Variants in HEATR5A observed in about 807,000 individuals in gnomAD.
The protein encoded by HEATR5A is HEAT repeat containing 5A.
A neutral mutation model predicts 218.8 loss-of-function variants in HEATR5A; 178 were observed. The ratio of observed to expected loss-of-function variants is 0.81; its 90% CI spans 0.72 to 0.92. The LOEUF (loss-of-function observed/expected upper bound fraction) is 0.92, where lower values mean the gene tolerates loss of function less well. HEATR5A is among the 40% of genes least tolerant of loss of function. The pLI, the probability that HEATR5A is intolerant of heterozygous loss-of-function variation, is 0.00. For missense variants in HEATR5A, 2,420 were observed against 2,418.9 expected, an observed-to-expected ratio of 1.00 and a Z score of -0.01; for synonymous variants, 864 against 871.6, an observed-to-expected ratio of 0.99 and a Z score of 0.15.
intron 12 of HEATR5A, among the ~76,000 whole-genome samples, chr14:31,372,595 G>A (rs547265166): frequency 1.3e-5 from 2 of 151,974 alleles, no homozygotes; most frequent in Non-Finnish European, 2.9e-5. Flanking sequence ...TTGGGAGGCT[G>A]AGGAGGGCAG....
chr14:31,400,052 C>T (rs1265005279), intron 3 of HEATR5A, among the ~76,000 whole-genome samples: 1 of 152,164 alleles, frequency 6.6e-6, no homozygotes. Context: ...AAACACTCAA[C>T]TGCTAAAATT....
In HEATR5A at chr14:31,345,234, C is replaced by A. The variant is rs773318767; in HGVS notation, c.2911G>T (p.Gly971Cys). The change falls in exon 20 of 36, where the codon GGC becomes TGC. Residue 971 changes from glycine (G) to cysteine (C), a missense_variant. By Grantham distance (159) the Gly-to-Cys change is radical. Transcript: ENST00000543095. Reference protein sequence around the residue: ...HSLSLIIDSAGPLYYVHVEPT... With the variant: ...HSLSLIIDSACPLYYVHVEPT... ...TCCACATGCACATAATAGAGTGGGC[C>A]AGCAGAATCAATGATCAATGATAGA... is the stretch of plus-strand genomic sequence containing the variant. 3.1e-6 allele frequency: 5 copies of A among 1,612,788 alleles called. No individual in the cohort carries two copies. The highest frequency in any genetic ancestry group is 8.5e-7 in the Non-Finnish European group (1 of 1,179,302).
At chr14:31,333,266 T>G (rs1900538325) in intron 22 of HEATR5A, among the ~76,000 whole-genome samples, 1 of 152,150 alleles carries the variant, frequency 6.6e-6, no homozygotes, top group South Asian at 2.1e-4. Flanking sequence ...TTCCTTTTTT[T>G]GAGACTGAGT....
chr14:31,321,343 G>A (rs1211544859), intron 25 of HEATR5A, among the ~76,000 whole-genome samples, 156 bp downstream of exon 25: 3 of 151,946 alleles, frequency 2.0e-5, no homozygotes, highest in Non-Finnish European at 4.4e-5. Context: ...ATGGGGTTTC[G>A]TCATGCTGCC....
At chr14:31,368,660 G>C (rs948451433) in intron 13 of HEATR5A, among the ~76,000 whole-genome samples, 37 of 151,886 alleles carry the variant, frequency 2.4e-4, no homozygotes, top group African/African-American at 8.7e-4. Context: ...CTCCTGTGTA[G>C]CTAGGACTAC....
In HEATR5A at chr14:31,302,392, T is replaced by C. The variant is rs780381060; in HGVS notation, c.5367A>G (p.Ile1789Met). 11 of 1,602,246 alleles carry C rather than the reference T, an allele frequency of 6.9e-6. No individual in the cohort carries two copies. Among genetic ancestry groups the C allele is most frequent in the Non-Finnish European group, 9.4e-6 (11 of 1,174,160 alleles). Residue 1789 changes from isoleucine (I) to methionine (M), a missense_variant, in exon 33 of 36, where the codon ATA becomes ATG. By Grantham distance (10) the Ile-to-Met change is conservative. Coordinates refer to ENST00000543095, the MANE Select transcript of HEATR5A (RefSeq NM_015473.4). ...CTGCCCGGGCCATGGGAGAAGATAA[T>C]ATTCCTTTTAGAGCCTGTAGGGAAG... is the stretch of plus-strand genomic sequence containing the variant. ...VAASLQALKG[I>M]LSSPMARAEK...
At chr14:31,302,589 C>G in intron 32 of HEATR5A, 70 bp from the exon 33 acceptor site, 1 of 1,006,450 alleles carries the variant, frequency 9.9e-7, no homozygotes, top group Middle Eastern at 3.1e-4. Flanking sequence ...AAGAAATCAT[C>G]AAGGAGTAAG....
At chr14:31,315,359 T>G (rs1375310878) in intron 27 of HEATR5A, among the ~76,000 whole-genome samples, 1 of 152,230 alleles carries the variant, frequency 6.6e-6, no homozygotes, top group Non-Finnish European at 1.5e-5. Context: ...CATCTTACTG[T>G]AAGATTTCTT....
intron 16 of HEATR5A, among the ~76,000 whole-genome samples, chr14:31,352,889 G>C (rs1299944445): frequency 6.6e-6 from 1 of 151,968 alleles, no homozygotes; most frequent in African/African-American, 2.4e-5. Context: ...GCCAAGAGTG[G>C]AGGTTGCAGT....
intron 27 of HEATR5A, among the ~76,000 whole-genome samples, chr14:31,315,563 A>T (rs188227577): frequency 6.6e-6 from 1 of 152,326 alleles, no homozygotes; most frequent in African/African-American, 2.4e-5. Context: ...GCACTGCTTA[A>T]AGTAGGAGAT....
chr14:31,320,339 C>T, intron 25 of HEATR5A: 1 of 826,734 alleles, frequency 1.2e-6, no homozygotes, highest in Non-Finnish European at 2.1e-6. Flanking sequence ...AGACAGCTTC[C>T]TGGCATAGAC....
At position 31,394,166 on chromosome 14, in the gene HEATR5A, C is replaced by A. The variant is rs1288604949; in HGVS notation, c.658G>T (p.Ala220Ser). ...FMWSTDLDSV[A>S]TLCFKSFEGS... The stretch of plus-strand genomic sequence containing the variant: ...TCAAAGGACTTAAAACACAGTGTGG[C>A]CACACTGTCCAGGTCCGTACTCCAC... The change falls in exon 6 of 36, where the codon GCC (alanine) becomes TCC (serine). Residue 220 changes from alanine to serine, a missense_variant. Physicochemically the swap from Ala to Ser is moderately conservative, Grantham distance 99 (BLOSUM62 1). Coordinates refer to ENST00000543095, the MANE Select transcript of HEATR5A (RefSeq NM_015473.4). 3.3e-6 allele frequency: 5 copies of A among 1,534,572 alleles called. No individual in the cohort carries two copies. In the African/African-American group the frequency reaches 5.5e-5, roughly 17 times the overall value.
rs902331303 is a variant in HEATR5A at position 31,294,094 on chromosome 14, T to C, written c.5630A>G (p.Lys1877Arg). 1 of 1,583,256 alleles carries C rather than the reference T, an allele frequency of 6.3e-7. No individual in the cohort carries two copies. The change falls in exon 35 of 36, where the codon AAG becomes AGG. Residue 1877 changes from lysine to arginine, a missense_variant. Physicochemically the swap from Lys to Arg is conservative, Grantham distance 26. Transcript: ENST00000543095. ...LEIKDPVVQI[K>R]TYQLLHSIFQ... ...GATGGAATGTAGGAGCTGGTAGGTC[T>C]TGATTTGTACCTAATAAGGTAAGAG...
In HEATR5A at chr14:31,345,131, C is replaced by G; in HGVS notation, c.3014G>C (p.Arg1005Pro). 3.7e-6 allele frequency: 6 copies of G among 1,613,786 alleles called. No individual in the cohort carries two copies. The highest frequency in any genetic ancestry group is 5.1e-6 in the Non-Finnish European group (6 of 1,179,850). Residue 1005 changes from arginine to proline, a missense_variant, in exon 20 of 36, where the codon CGC (arginine) becomes CCC (proline). Transcript: ENST00000543095. ...THAEVHQSLGRCLNALITTLG... is the reference protein window; with the variant it reads ...THAEVHQSLGPCLNALITTLG... ...CGTGGTAATAAGGGCATTCAAACAGCGACCAAGGCTTTGGTGAACTTCAGC... is the reference window on the plus strand; with the variant it reads ...CGTGGTAATAAGGGCATTCAAACAGGGACCAAGGCTTTGGTGAACTTCAGC...
chr14:31,306,792 C>G lies in HEATR5A; in HGVS notation c.4906G>C (p.Val1636Leu), dbSNP rs1485383264. 6.2e-7 allele frequency: 1 copy of G among 1,613,630 alleles called. No homozygotes were observed. Among genetic ancestry groups the G allele is most frequent in the Non-Finnish European group, 8.5e-7 (1 of 1,179,744 alleles). ...TGAGCAGCACAGATAATCTGCCTTACCACTTCAAGTGAAGCCAACTGAATG... is the reference window on the plus strand; with the variant it reads ...TGAGCAGCACAGATAATCTGCCTTAGCACTTCAAGTGAAGCCAACTGAATG... Reference protein sequence around the residue: ...PSIQLASLEVVRQIICAAQEH... With the variant: ...PSIQLASLEVLRQIICAAQEH... Residue 1636 changes from valine (V) to leucine (L), a missense_variant, in exon 31 of 36, where the codon GTA becomes CTA. Transcript: ENST00000543095.
intron 27 of HEATR5A, 56 bp from the exon 28 acceptor site, chr14:31,313,246 T>C: frequency 1.5e-6 from 2 of 1,334,760 alleles, no homozygotes; most frequent in Non-Finnish European, 2.1e-6. Context: ...AAAGGTGCTA[T>C]AAAATTTTTA....
chr14:31,367,695 A>G (rs1901857398), intron 13 of HEATR5A, among the ~76,000 whole-genome samples: 1 of 148,838 alleles, frequency 6.7e-6, no homozygotes, highest in South Asian at 2.1e-4. Context: ...ATAGGATTAT[A>G]GCATGAGCCA....
rs73257381 is a variant in HEATR5A at position 31,327,794 on chromosome 14, A to G, written c.3368-1452T>C. Among the ~76,000 whole-genome samples the G allele has an allele frequency of 9.0e-3, 1,378 of 152,312 alleles. 21 individuals are homozygous for G. Among genetic ancestry groups the G allele is most frequent in the African/African-American group, 0.031 (1,308 of 41,562 alleles). On this transcript the variant is annotated intron_variant, in intron 22 of 35. Coordinates refer to ENST00000543095, the MANE Select transcript of HEATR5A (RefSeq NM_015473.4). Reference sequence around the variant, plus strand: ...TATACAATATTCTCACTACAAAGTAATACCTCAAAGGGGAAATACTAGCCT... The same window carrying G: ...TATACAATATTCTCACTACAAAGTAGTACCTCAAAGGGGAAATACTAGCCT...
intron 11 of HEATR5A, among the ~76,000 whole-genome samples, chr14:31,376,128 T>C (rs1902218344): frequency 6.6e-6 from 1 of 152,202 alleles, no homozygotes; most frequent in African/African-American, 2.4e-5. Flanking sequence ...TTATTTAACC[T>C]TTTTCTGCCT....
Sources: gnomAD v4.1 joint callset for allele counts (sites outside exome capture counted in the v4.1 genomes callset) on GRCh38, gnomAD v4.1.1 for gene constraint, MANE v1.5 for transcripts, NCBI Gene and HGNC (gene_info 2026-07-23, HGNC 2026-07-21) for gene names.